GABRG3: variants seen among roughly 807,000 people sequenced by gnomAD.
The protein encoded by GABRG3 is gamma-aminobutyric acid type A receptor subunit gamma3, also known as gamma-aminobutyric acid receptor subunit gamma-3.
Under a neutral mutation model 48.8 loss-of-function variants are expected in GABRG3, and 25 were observed. The observed-to-expected ratio is 0.51, with a 90% CI of 0.37 to 0.72. The LOEUF is 0.72. Among genes scored for constraint, GABRG3 ranks in the 30% least tolerant of loss-of-function variants. The probability of loss-of-function intolerance (pLI) is 0.00; values close to 1 mark genes in which losing one functional copy is unlikely to be tolerated. For synonymous variants in GABRG3, 227 were observed against 217.6 expected (o/e 1.04, Z -0.38); for missense variants, 394 against 577.9 (o/e 0.68, Z 3.26).
chr15:27,153,190 GT>G (rs1166336430), intron 3 of GABRG3, among the ~76,000 whole-genome samples: 1 of 152,152 alleles, frequency 6.6e-6, no homozygotes, highest in East Asian at 1.9e-4. Flanking sequence ...GATCTCAGGT[GT>G]AAGTCAAGGT....
chr15:27,043,066 C>T (rs1385436096), intron 3 of GABRG3, among the ~76,000 whole-genome samples: 4 of 152,190 alleles, frequency 2.6e-5, no homozygotes, highest in African/African-American at 9.7e-5. Flanking sequence ...ACCTAACTTG[C>T]TCGTGCTCCT....
chr15:27,169,211 A>G (rs1887482130), intron 3 of GABRG3, among the ~76,000 whole-genome samples: 1 of 152,232 alleles, frequency 6.6e-6, no homozygotes, highest in Non-Finnish European at 1.5e-5. Context: ...GTACAATGGG[A>G]GAATTTATCT....
intron 5 of GABRG3, among the ~76,000 whole-genome samples, chr15:27,332,065 TA>T (rs1328811882): frequency 5.9e-5 from 9 of 152,238 alleles, no homozygotes; most frequent in Non-Finnish European, 1.0e-4. Flanking sequence ...TCACTATTCA[TA>T]AATGAGAATA....
At chr15:27,040,099 G>C (rs560478037) in intron 3 of GABRG3, among the ~76,000 whole-genome samples, 1 of 152,248 alleles carries the variant, frequency 6.6e-6, no homozygotes, top group Non-Finnish European at 1.5e-5. Context: ...CTCGCAGCAC[G>C]GGATGGCAGA....
At chr15:27,129,792 T>C (rs1897885172) in intron 3 of GABRG3, among the ~76,000 whole-genome samples, 1 of 152,088 alleles carries the variant, frequency 6.6e-6, no homozygotes, top group Non-Finnish European at 1.5e-5. Flanking sequence ...ATTTTCCTAA[T>C]AACTACTGAT....
At chr15:27,057,536 A>G (rs1427620824) in intron 3 of GABRG3, among the ~76,000 whole-genome samples, 1 of 152,102 alleles carries the variant, frequency 6.6e-6, no homozygotes, top group Admixed American at 6.6e-5. Context: ...TTATACATCT[A>G]CGGGGCTGCA....
At chr15:27,004,111 TG>T (rs1566906321) in intron 2 of GABRG3, among the ~76,000 whole-genome samples, 1 of 144,636 alleles carries the variant, frequency 6.9e-6, no homozygotes, top group East Asian at 2.2e-4. Context: ...ACGGGGCGGC[TG>T]GCCGGGCGGG....
chr15:26,994,255 T>C (rs1895299795), intron 2 of GABRG3, among the ~76,000 whole-genome samples: 1 of 152,052 alleles, frequency 6.6e-6, no homozygotes, highest in Non-Finnish European at 1.5e-5. Flanking sequence ...GTTACAGATA[T>C]TCTCGGTTTT....
chr15:27,351,510 T>G (rs1894591813), intron 5 of GABRG3, among the ~76,000 whole-genome samples: 1 of 146,524 alleles, frequency 6.8e-6, no homozygotes. Context: ...TGTTGGTATG[T>G]GTGTATGGTG....
At chr15:27,300,940 C>T (rs533232786) in intron 3 of GABRG3, among the ~76,000 whole-genome samples, 43 of 152,166 alleles carry the variant, frequency 2.8e-4, no homozygotes, top group African/African-American at 9.9e-4. Flanking sequence ...GTACTCCAGC[C>T]TGGGCAACAA....
chr15:27,037,409 G>A (rs1896198189), intron 3 of GABRG3, among the ~76,000 whole-genome samples: 1 of 152,190 alleles, frequency 6.6e-6, no homozygotes, highest in South Asian at 2.1e-4. Flanking sequence ...ACCTGAGAGG[G>A]TCGACTGGCT....
At chr15:27,155,656 GT>G (rs747230070) in intron 3 of GABRG3, among the ~76,000 whole-genome samples, 41 of 152,252 alleles carry the variant, frequency 2.7e-4, no homozygotes, top group Non-Finnish European at 5.9e-4. Flanking sequence ...TATTTATTGG[GT>G]TTATTTACCC....
In GABRG3 at chr15:27,532,603, T is replaced by C. The variant is rs746987157; in HGVS notation, c.1126T>C (p.Tyr376His). The part of the protein sequence containing the change: ...ERISLQAPSN[Y>H]SLLDMRPPPT... ...GTGTCATTTTTGTTGCTTGCAGAAC[T>C]ATTCCCTCCTGGACATGAGGCCACC... is the stretch of plus-strand genomic sequence containing the variant. Residue 376 changes from tyrosine to histidine, a missense_variant, in exon 10 of 10, where the codon TAT becomes CAT. This residue lies in a region of GABRG3 where 126 missense variants were observed against 155.5 expected (regional missense o/e 0.81). Coordinates refer to ENST00000615808, the MANE Select transcript of GABRG3 (RefSeq NM_033223.5). The C allele has an allele frequency of 6.2e-7, 1 of 1,613,294 alleles. No individual in the cohort carries two copies. The highest frequency in any genetic ancestry group is 2.2e-5 in the East Asian group (1 of 44,868).
rs1344810078 is a variant in GABRG3 at position 27,536,292 on chromosome 15, A to C, written c.*3411A>C. The C allele has an allele frequency of 6.6e-6, 1 of 152,232 alleles. No individual in the cohort carries two copies. The highest frequency in any genetic ancestry group is 1.5e-5 in the Non-Finnish European group (1 of 68,050). 9.4% of individuals were successfully genotyped at this position (152,232 alleles called of 1,614,324 possible). On this transcript the variant is annotated 3_prime_UTR_variant, in exon 10 of 10. Transcript: ENST00000615808. ...ACCTACCAGAACAGAGACTCCCTAC[A>C]TACCAGACAGAGAAGGACAAAGTTA...
chr15:27,492,152 A>G (rs186664558), intron 6 of GABRG3, among the ~76,000 whole-genome samples: 2 of 152,268 alleles, frequency 1.3e-5, no homozygotes, highest in Admixed American at 6.5e-5. Flanking sequence ...TCAACTTAGA[A>G]CAAAGTCTCT....
chr15:27,412,205 C>T (rs1373884261), intron 5 of GABRG3, among the ~76,000 whole-genome samples: 53 of 152,058 alleles, frequency 3.5e-4, no homozygotes, highest in Admixed American at 3.5e-3. Flanking sequence ...TCCACATTCC[C>T]TTCCCTCATT....
At chr15:27,317,367 T>A (rs1196960570) in intron 3 of GABRG3, among the ~76,000 whole-genome samples, 3 of 152,202 alleles carry the variant, frequency 2.0e-5, no homozygotes, top group Non-Finnish European at 4.4e-5. Flanking sequence ...GCTAATCCTG[T>A]TTGTTTTTAC....
intron 3 of GABRG3, among the ~76,000 whole-genome samples, chr15:27,227,010 A>G (rs1030747222): frequency 8.5e-5 from 13 of 152,310 alleles, no homozygotes; most frequent in African/African-American, 3.1e-4. Flanking sequence ...GGGAAAAAAA[A>G]CTGAAAGAAA....
intron 3 of GABRG3, among the ~76,000 whole-genome samples, chr15:27,079,836 G>A (rs2140743100): frequency 6.6e-6 from 1 of 152,292 alleles, no homozygotes; most frequent in South Asian, 2.1e-4. Flanking sequence ...AATGGCTAAG[G>A]ATGAGTTAGT....
Sources: allele counts gnomAD v4.1 joint callset (sites outside exome capture counted in the v4.1 genomes callset), GRCh38; gene constraint gnomAD v4.1.1; regional missense constraint gnomAD v4.1.1; transcripts MANE v1.5; gene names NCBI Gene and HGNC (gene_info 2026-07-23, HGNC 2026-07-21).